Variants in SGPL1 observed in about 807,000 individuals in gnomAD.
SGPL1 encodes the protein sphingosine-1-phosphate lyase 1.
Under a neutral mutation model 68.9 loss-of-function variants are expected in SGPL1, and 37 were observed. That is an observed-to-expected ratio of 0.54 (90% CI 0.41 to 0.71). SGPL1 has a LOEUF of 0.71. Ranked by LOEUF, SGPL1 falls within the 30% of genes least tolerant of loss-of-function variation. SGPL1 has a pLI of 0.00. For missense variants in SGPL1, 551 were observed against 704.6 expected (o/e 0.78, Z 2.47); for synonymous variants, 236 against 248.5 (o/e 0.95, Z 0.47).
intron 4 of SGPL1, among the ~76,000 whole-genome samples, chr10:70,851,540 C>T (rs1261611508): frequency 1.3e-5 from 2 of 152,056 alleles, no homozygotes; most frequent in African/African-American, 4.8e-5. Context: ...ACCCTTTCTC[C>T]AATGTAACTG....
At chr10:70,840,984 A>G (rs1845703783) in intron 2 of SGPL1, among the ~76,000 whole-genome samples, 1 of 152,184 alleles carries the variant, frequency 6.6e-6, no homozygotes, top group Non-Finnish European at 1.5e-5. Context: ...GTATCACCAG[A>G]AGAAAAGCTA....
chr10:70,867,872 A>G (rs914120110), intron 7 of SGPL1, among the ~76,000 whole-genome samples: 2 of 152,194 alleles, frequency 1.3e-5, no homozygotes, highest in Admixed American at 1.3e-4. Context: ...CTGTCTTTCA[A>G]ACTTGTCAAA....
intron 7 of SGPL1, chr10:70,860,576 G>C: frequency 2.5e-6 from 1 of 393,564 alleles, no homozygotes; most frequent in Non-Finnish European, 5.1e-6. Context: ...AGGTGAACAG[G>C]GTGACTTTCA....
At chr10:70,819,744 C>G (rs1205687781) in intron 2 of SGPL1, among the ~76,000 whole-genome samples, 1 of 151,778 alleles carries the variant, frequency 6.6e-6, no homozygotes, top group African/African-American at 2.4e-5. Context: ...GATCCTTCCA[C>G]CTCAGCCTCC....
chr10:70,823,004 T>G (rs12767149), intron 2 of SGPL1, among the ~76,000 whole-genome samples: 18,020 of 151,266 alleles, frequency 0.12, 1,330 homozygotes, highest in Non-Finnish European at 0.17. Context: ...ATTTTAAAAT[T>G]TGTACCTGTT....
chr10:70,871,231 C>T (rs761246568), intron 10 of SGPL1, 85 bp downstream of exon 10: 10 of 907,830 alleles, frequency 1.1e-5, no homozygotes, highest in Middle Eastern at 2.2e-4. Flanking sequence ...CAAATAGAAG[C>T]GATTTTTTTT....
intron 6 of SGPL1, among the ~76,000 whole-genome samples, chr10:70,858,773 T>G (rs757088891): frequency 6.6e-6 from 1 of 152,236 alleles, no homozygotes; most frequent in Non-Finnish European, 1.5e-5. Context: ...TGTGTCATGC[T>G]TTTACGTTGT....
intron 2 of SGPL1, among the ~76,000 whole-genome samples, chr10:70,821,958 T>C (rs913584569): frequency 7.2e-5 from 11 of 152,232 alleles, no homozygotes; most frequent in African/African-American, 2.7e-4. Context: ...TCTGCACCAC[T>C]CTTTTCTTGA....
intron 5 of SGPL1, 58 bp from the exon 6 acceptor site, chr10:70,857,556 G>A: frequency 7.2e-7 from 1 of 1,392,622 alleles, no homozygotes; most frequent in Non-Finnish European, 1.0e-6. Context: ...TTCTTTATCA[G>A]AACCTGTCTT....
intron 5 of SGPL1, 89 bp downstream of exon 5, chr10:70,854,944 C>A: frequency 1.7e-6 from 2 of 1,155,684 alleles, no homozygotes; most frequent in Non-Finnish European, 2.4e-6. Context: ...AAGAATAACT[C>A]ATCATTGGTT....
rs544362115 is a variant in SGPL1 at position 70,833,991 on chromosome 10, TGACGTGA to T, written c.28-10481_28-10475del. 8.9e-3 allele frequency among the ~76,000 whole-genome samples: 1,355 copies of T among 152,188 alleles called. 31 individuals carry two copies. Among genetic ancestry groups the T allele is most frequent in the African/African-American group, 0.031 (1,287 of 41,516 alleles). ...AACAATGAATTGATATCTAGTAGAGTGACGTGACTGGGCCCTGACTTTTAACACTTCC... is the reference window on the plus strand; with the variant it reads ...AACAATGAATTGATATCTAGTAGAGTCTGGGCCCTGACTTTTAACACTTCC... On this transcript the variant is annotated intron_variant, in intron 2 of 14. Transcript: ENST00000373202.
At chr10:70,831,037 A>G (rs1845526106) in intron 2 of SGPL1, among the ~76,000 whole-genome samples, 1 of 152,090 alleles carries the variant, frequency 6.6e-6, no homozygotes, top group Admixed American at 6.5e-5. Flanking sequence ...GTCAGGTGAA[A>G]CTTCACCTGA....
intron 4 of SGPL1, 54 bp from the exon 5 acceptor site, chr10:70,854,654 C>T: frequency 2.0e-6 from 3 of 1,496,570 alleles, no homozygotes; most frequent in Non-Finnish European, 2.7e-6. Context: ...AATAATTCTG[C>T]TGTCTCTACT....
At chr10:70,828,384 C>G (rs960602341) in intron 2 of SGPL1, among the ~76,000 whole-genome samples, 1 of 152,056 alleles carries the variant, frequency 6.6e-6, no homozygotes, top group African/African-American at 2.4e-5. Context: ...TGCGGTGGTG[C>G]GATCATGGCT....
At chr10:70,819,744 C>T (rs1205687781) in intron 2 of SGPL1, among the ~76,000 whole-genome samples, 2 of 151,778 alleles carry the variant, frequency 1.3e-5, no homozygotes, top group Non-Finnish European at 2.9e-5. Context: ...GATCCTTCCA[C>T]CTCAGCCTCC....
chr10:70,856,367 A>G (rs1288658067), intron 5 of SGPL1, among the ~76,000 whole-genome samples: 2 of 152,206 alleles, frequency 1.3e-5, no homozygotes, highest in African/African-American at 2.4e-5. Context: ...AAAATTTGAT[A>G]TAGTCTAGGA....
At chr10:70,867,494 A>G (rs1473887036) in intron 7 of SGPL1, among the ~76,000 whole-genome samples, 1 of 151,994 alleles carries the variant, frequency 6.6e-6, no homozygotes, top group East Asian at 1.9e-4. Context: ...ACCAGGAGGC[A>G]AAGGCTGCAG....
chr10:70,844,571 A>G lies in SGPL1; in HGVS notation c.126A>G (p.Leu42=). 6.8e-6 allele frequency: 11 copies of G among 1,614,168 alleles called. No individual in the cohort carries two copies. Among genetic ancestry groups the G allele is most frequent in the Non-Finnish European group, 9.3e-6 (11 of 1,180,010 alleles). ...GCACCAAGTATGAGCCCTGGCAGCT[A>G]ATTGCATGGAGTGTCGTGTGGACCC... The part of the protein sequence containing the change: ...GHCTKYEPWQ[L]IAWSVVWTLL... Residue 42 remains leucine (L), a synonymous_variant, in exon 3 of 15, where the codon CTA becomes CTG. Transcript: ENST00000373202.
At chr10:70,847,472 C>G (rs894050151) in intron 3 of SGPL1, among the ~76,000 whole-genome samples, 1 of 151,970 alleles carries the variant, frequency 6.6e-6, no homozygotes, top group Admixed American at 6.6e-5. Flanking sequence ...TCTAAAGATA[C>G]AAAACAAAAG....
Sources: gnomAD v4.1 joint callset for allele counts (sites outside exome capture counted in the v4.1 genomes callset) on GRCh38, gnomAD v4.1.1 for gene constraint, MANE v1.5 for transcripts, NCBI Gene and HGNC (gene_info 2026-07-23, HGNC 2026-07-21) for gene names.